The following NPAS3 variants were observed in gnomAD, a reference collection of about 807,000 sequenced individuals.
The protein encoded by NPAS3 is neuronal PAS domain protein 3, also known as neuronal PAS domain-containing protein 3.
NPAS3 carries 14 observed loss-of-function variants against 73.1 expected under a neutral mutation model. The observed-to-expected ratio is 0.19, with a 90% CI of 0.13 to 0.30. The LOEUF is 0.30. NPAS3 is among the 10% of genes least tolerant of loss of function. NPAS3 has a pLI of 1.00. For synonymous variants in NPAS3, 620 were observed against 541.5 expected, an observed-to-expected ratio of 1.14 and a Z score of -2.01; for missense variants, 1,096 against 1,250.0, an observed-to-expected ratio of 0.88 and a Z score of 1.86.
chr14:33,496,975 A>G (rs1180065142), intron 4 of NPAS3, among the ~76,000 whole-genome samples: 1 of 152,214 alleles, frequency 6.6e-6, no homozygotes, highest in East Asian at 1.9e-4. Flanking sequence ...AAATCTCCCT[A>G]AACTGATAAG....
At chr14:33,714,464 G>A (rs759483474) in intron 6 of NPAS3, among the ~76,000 whole-genome samples, 15 of 151,998 alleles carry the variant, frequency 9.9e-5, no homozygotes, top group Admixed American at 2.6e-4. Context: ...CACCAATTAC[G>A]ATCCATACTT....
At chr14:33,177,772 T>G (rs1000906507) in intron 2 of NPAS3, among the ~76,000 whole-genome samples, 1 of 152,220 alleles carries the variant, frequency 6.6e-6, no homozygotes, top group African/African-American at 2.4e-5. Flanking sequence ...CTTTCTCTAT[T>G]GAGTGGACTT....
At position 33,600,279 on chromosome 14, in the gene NPAS3, A is replaced by T. The variant is rs942376725; in HGVS notation, c.558+40069A>T. 1.1e-4 allele frequency among the ~76,000 whole-genome samples: 16 copies of T among 152,180 alleles called. 1 individual carries two copies. Among genetic ancestry groups the T allele is most frequent in the South Asian group, 2.1e-4 (1 of 4,826 alleles). On this transcript the variant is annotated intron_variant, in intron 5 of 11. Transcript: ENST00000356141. ...CCATCCTTGTTAAATAACCAAATCA[A>T]ACTCCACTCCCCCAAGGTAATTACT...
intron 3 of NPAS3, among the ~76,000 whole-genome samples, chr14:33,308,527 T>TATATATATATATATATATATAC: frequency 8.7e-5 from 9 of 103,720 alleles, no homozygotes; most frequent in Non-Finnish European, 1.1e-4. Flanking sequence ...TATATATATA[T>TATATATATATATATATATATAC]ACATACACAC....
intron 1 of NPAS3, among the ~76,000 whole-genome samples, chr14:32,941,860 AG>A (rs1947196871): frequency 6.6e-6 from 1 of 152,210 alleles, no homozygotes; most frequent in African/African-American, 2.4e-5. Context: ...TTATCCAAAC[AG>A]TTGTTTTATG....
chr14:33,564,555 A>G lies in NPAS3; in HGVS notation c.558+4345A>G, dbSNP rs2055829207. Among the ~76,000 whole-genome samples the G allele has an allele frequency of 2.0e-5, 3 of 152,204 alleles. 1 individual carries two copies. The South Asian group carries it at 6.2e-4, about 31-fold the overall frequency. Reference sequence around the variant, plus strand: ...TCTGTTCCCGCATCCAGGCCTCACAATAGCATTGGCTAGTTTGGTGGTTTA... The same window carrying G: ...TCTGTTCCCGCATCCAGGCCTCACAGTAGCATTGGCTAGTTTGGTGGTTTA... On this transcript the variant is annotated intron_variant, in intron 5 of 11. Transcript: ENST00000356141.
chr14:33,571,749 T>G (rs1443837206), intron 5 of NPAS3, among the ~76,000 whole-genome samples: 2 of 152,232 alleles, frequency 1.3e-5, no homozygotes, highest in African/African-American at 4.8e-5. Flanking sequence ...GAGGACAACT[T>G]TTATGATCAA....
intron 4 of NPAS3, among the ~76,000 whole-genome samples, chr14:33,443,550 C>A (rs1185127217): frequency 1.3e-5 from 2 of 152,110 alleles, no homozygotes; most frequent in Admixed American, 6.6e-5. Context: ...AGGTGCTCAC[C>A]CCCTCCACAC....
intron 2 of NPAS3, among the ~76,000 whole-genome samples, chr14:33,172,049 A>G (rs2045410091): frequency 1.3e-5 from 2 of 152,188 alleles, no homozygotes; most frequent in Non-Finnish European, 2.9e-5. Context: ...GTGCCATCGT[A>G]TATAAGCATG....
At chr14:33,235,829 T>TTTTTTTTTTTTA (rs2048015576) in intron 3 of NPAS3, among the ~76,000 whole-genome samples, 1 of 147,902 alleles carries the variant, frequency 6.8e-6, no homozygotes, top group African/African-American at 2.5e-5. Flanking sequence ...TTTTTTTTTT[T>TTTTTTTTTTTTA]GAGACAGGGT....
At chr14:33,207,335 A>G (rs1314703031) in intron 2 of NPAS3, among the ~76,000 whole-genome samples, 2 of 151,848 alleles carry the variant, frequency 1.3e-5, no homozygotes, top group Non-Finnish European at 2.9e-5. Flanking sequence ...TAATGAGTCC[A>G]TATTTGCTTC....
intron 3 of NPAS3, among the ~76,000 whole-genome samples, chr14:33,241,818 T>A (rs906200237): frequency 1.1e-4 from 17 of 152,062 alleles, no homozygotes; most frequent in African/African-American, 3.6e-4. Flanking sequence ...AACCATGTTG[T>A]CTTGGAGCTT....
downstream of NPAS3, chr14:33,801,275 T>C (rs986408611): frequency 1.5e-6 from 2 of 1,364,060 alleles, no homozygotes; most frequent in African/African-American, 2.9e-5. Flanking sequence ...ACTTATTCTT[T>C]CGTGTAAAGA....
chr14:32,988,389 C>T (rs937313171), intron 1 of NPAS3, among the ~76,000 whole-genome samples: 6 of 151,768 alleles, frequency 4.0e-5, no homozygotes, highest in Non-Finnish European at 7.4e-5. Context: ...CTTTGGTATA[C>T]GATAGTAGTT....
chr14:33,555,982 T>C (rs1023550067), intron 4 of NPAS3, among the ~76,000 whole-genome samples: 6 of 152,100 alleles, frequency 3.9e-5, no homozygotes, highest in African/African-American at 1.4e-4. Context: ...AATTGGCCGT[T>C]ATTTTTCATT....
chr14:33,574,123 T>C (rs2056340736), intron 5 of NPAS3, among the ~76,000 whole-genome samples: 1 of 152,150 alleles, frequency 6.6e-6, no homozygotes, highest in Admixed American at 6.5e-5. Context: ...ATATAAATTA[T>C]ACCTGGACCC....
chr14:33,103,114 G>C (rs2042625066), intron 2 of NPAS3, among the ~76,000 whole-genome samples: 1 of 152,182 alleles, frequency 6.6e-6, no homozygotes, highest in African/African-American at 2.4e-5. Flanking sequence ...AATGTGTTTT[G>C]TGAATGAAAA....
At chr14:33,437,586 G>T (rs1397954952) in intron 4 of NPAS3, among the ~76,000 whole-genome samples, 11 of 152,054 alleles carry the variant, frequency 7.2e-5, no homozygotes, top group Non-Finnish European at 1.6e-4. Flanking sequence ...GTCCTTTACT[G>T]GAATAAATAG....
chr14:32,994,852 G>A (rs1410240374), intron 1 of NPAS3, among the ~76,000 whole-genome samples: 1 of 151,984 alleles, frequency 6.6e-6, no homozygotes, highest in Non-Finnish European at 1.5e-5. Flanking sequence ...GGCTGGTCTC[G>A]AACTCCTGAC....
Sources: allele counts gnomAD v4.1 joint callset (sites outside exome capture counted in the v4.1 genomes callset), GRCh38; gene constraint gnomAD v4.1.1; transcripts MANE v1.5; gene names NCBI Gene and HGNC (gene_info 2026-07-23, HGNC 2026-07-21).